The following HSD17B3 variants were observed in gnomAD, a reference collection of about 807,000 sequenced individuals.
The protein encoded by HSD17B3 is 17-beta-hydroxysteroid dehydrogenase type 3.
Under a neutral mutation model 41.1 loss-of-function variants are expected in HSD17B3, and 29 were observed. That is an observed-to-expected ratio of 0.71 (90% CI 0.53 to 0.96). The LOEUF (loss-of-function observed/expected upper bound fraction) is 0.96, where lower values mean the gene tolerates loss of function less well. Ranked by LOEUF, HSD17B3 falls within the 40% of genes least tolerant of loss-of-function variation. HSD17B3 has a pLI of 0.00. For missense variants in HSD17B3, 323 were observed against 374.6 expected, an observed-to-expected ratio of 0.86 and a Z score of 1.14; for synonymous variants, 126 against 145.6, an observed-to-expected ratio of 0.87 and a Z score of 0.97.
chr9:96,263,571 A>G (rs1227360797), intron 2 of HSD17B3, among the ~76,000 whole-genome samples: 1 of 151,774 alleles, frequency 6.6e-6, no homozygotes, highest in Non-Finnish European at 1.5e-5. Context: ...AAAAAGAAAA[A>G]AAAATCAAAA....
At chr9:96,289,859 C>T (rs1045528390) in intron 2 of HSD17B3, among the ~76,000 whole-genome samples, 58 of 152,152 alleles carry the variant, frequency 3.8e-4, no homozygotes, top group African/African-American at 1.4e-3. Flanking sequence ...CAAAAGCCTC[C>T]CTTTCCCAGA....
At chr9:96,299,702 G>T (rs1377738993) in intron 1 of HSD17B3, among the ~76,000 whole-genome samples, 1 of 152,140 alleles carries the variant, frequency 6.6e-6, no homozygotes, top group Non-Finnish European at 1.5e-5. Context: ...TGCTAAAAAT[G>T]ATGACACAAG....
chr9:96,246,447 C>T (rs551171143), intron 7 of HSD17B3, 109 bp downstream of exon 7: 107 of 943,778 alleles, frequency 1.1e-4, no homozygotes, highest in African/African-American at 1.1e-3. Context: ...TAGCTGTTAT[C>T]GTTTGTTAAA....
chr9:96,300,579 C>A (rs1299384460), intron 1 of HSD17B3, among the ~76,000 whole-genome samples: 1 of 147,088 alleles, frequency 6.8e-6, no homozygotes, highest in Non-Finnish European at 1.5e-5. Flanking sequence ...TCTCTAAAGT[C>A]ACTTAATCAT....
At chr9:96,244,461 G>T in intron 8 of HSD17B3, 67 bp from the exon 9 acceptor site, 2 of 1,437,156 alleles carry the variant, frequency 1.4e-6, no homozygotes, top group South Asian at 2.3e-5. Context: ...AACTTCCTCT[G>T]ACTTCAAGGG....
At chr9:96,272,405 C>CTCTA (rs1239816824) in intron 2 of HSD17B3, among the ~76,000 whole-genome samples, 2 of 21,538 alleles carry the variant, frequency 9.3e-5, no homozygotes, top group East Asian at 2.2e-3. Context: ...CTCTCTCTCT[C>CTCTA]TATATATATA....
chr9:96,268,470 AT>A (rs1826120580), intron 2 of HSD17B3, among the ~76,000 whole-genome samples: 2 of 152,234 alleles, frequency 1.3e-5, no homozygotes, highest in African/African-American at 4.8e-5. Flanking sequence ...ACCATTAAAA[AT>A]TAACAATAAT....
intron 10 of HSD17B3, chr9:96,239,915 G>C (rs1224919660): frequency 6.6e-6 from 1 of 152,198 alleles, no homozygotes; most frequent in African/African-American, 2.4e-5. Flanking sequence ...TGCTGGAGCT[G>C]GCTTGCACTC....
At chr9:96,290,738 G>T (rs1827124835) in intron 2 of HSD17B3, among the ~76,000 whole-genome samples, 1 of 151,886 alleles carries the variant, frequency 6.6e-6, no homozygotes, top group Non-Finnish European at 1.5e-5. Context: ...GGAGGCTGAG[G>T]CAGGAGAATC....
chr9:96,240,707 C>T (rs748877635), intron 10 of HSD17B3, 51 bp downstream of exon 10: 2 of 1,601,814 alleles, frequency 1.2e-6, no homozygotes, highest in Non-Finnish European at 1.7e-6. Flanking sequence ...GCCAGGGCCA[C>T]CTGCGTGTCC....
At chr9:96,259,000 C>T (rs766926457) in intron 2 of HSD17B3, among the ~76,000 whole-genome samples, 6 of 152,176 alleles carry the variant, frequency 3.9e-5, no homozygotes, top group East Asian at 1.9e-4. Context: ...TCATCTTTAC[C>T]GCCAGGTCTC....
At chr9:96,277,953 T>G (rs1172863786) in intron 2 of HSD17B3, among the ~76,000 whole-genome samples, 1 of 151,860 alleles carries the variant, frequency 6.6e-6, no homozygotes, top group Non-Finnish European at 1.5e-5. Flanking sequence ...CATGGATAAA[T>G]GAGGAGATTA....
Position 96,249,791 on chromosome 9 carries a change from A to G in HSD17B3, c.454-5T>C. 3.1e-6 allele frequency: 5 copies of G among 1,614,140 alleles called. No homozygotes were observed. Among genetic ancestry groups the G allele is most frequent in the Non-Finnish European group, 4.2e-6 (5 of 1,179,968 alleles). On this transcript the variant is annotated splice_region_variant and splice_polypyrimidine_tract_variant and intron_variant, in intron 5 of 10. Coordinates refer to ENST00000375263, the MANE Select transcript of HSD17B3 (RefSeq NM_000197.2). ...GATGTTACAATGGATGAGGCTCTGT[A>G]ATAAATAATCACAACCACACATCAG...
chr9:96,267,157 A>AT lies in HSD17B3; in HGVS notation c.202-12215dup, dbSNP rs11301816. 5.8e-4 allele frequency among the ~76,000 whole-genome samples: 80 copies of AT among 138,022 alleles called. 1 individual carries two copies. The highest frequency in any genetic ancestry group is 2.3e-3 in the Admixed American group (32 of 13,876). 90.5% of individuals were successfully genotyped at this position (138,022 alleles called of 152,430 possible). On this transcript the variant is annotated intron_variant, in intron 2 of 10. Coordinates refer to ENST00000375263, the MANE Select transcript of HSD17B3 (RefSeq NM_000197.2). ...GGAACAGCGCCAGGCAAAAGACAAC[A>AT]TTTTTTTTTTTTTTTTTGAGATGGA...
At chr9:96,244,849 C>G (rs779787113) in intron 8 of HSD17B3, among the ~76,000 whole-genome samples, 15 of 151,976 alleles carry the variant, frequency 9.9e-5, no homozygotes, top group Non-Finnish European at 1.9e-4. Context: ...AAAAAATGAA[C>G]CAGCTTGCCT....
At chr9:96,288,333 C>T (rs1205383951) in intron 2 of HSD17B3, among the ~76,000 whole-genome samples, 3 of 152,176 alleles carry the variant, frequency 2.0e-5, no homozygotes, top group Admixed American at 1.3e-4. Context: ...ATGACACCAT[C>T]GATCCTGAAG....
intron 5 of HSD17B3, chr9:96,250,458 T>C (rs1403990930): frequency 3.8e-5 from 40 of 1,063,616 alleles, no homozygotes; most frequent in Non-Finnish European, 4.6e-5. Context: ...TGCAGCAGAC[T>C]CGGGGCTTAC....
intron 2 of HSD17B3, among the ~76,000 whole-genome samples, chr9:96,261,860 T>C (rs1825873659): frequency 6.6e-6 from 1 of 152,222 alleles, no homozygotes; most frequent in Non-Finnish European, 1.5e-5. Flanking sequence ...ACCATGGCAC[T>C]GTCTTCCGAT....
chr9:96,276,536 C>A (rs1826465753), intron 2 of HSD17B3, among the ~76,000 whole-genome samples: 3 of 152,122 alleles, frequency 2.0e-5, no homozygotes, highest in Admixed American at 6.6e-5. Flanking sequence ...AAATAGAATG[C>A]TTTACTAACA....
Sources: allele counts gnomAD v4.1 joint callset (sites outside exome capture counted in the v4.1 genomes callset), GRCh38; gene constraint gnomAD v4.1.1; transcripts MANE v1.5; gene names NCBI Gene and HGNC (gene_info 2026-07-23, HGNC 2026-07-21).